Variants in NTS observed in about 807,000 individuals in gnomAD.
The protein encoded by NTS is neurotensin/neuromedin N.
In NTS, 20 loss-of-function variants were observed where a neutral mutation model predicts 19.5. The observed-to-expected ratio is 1.02, with a 90% confidence interval of 0.72 to 1.49. NTS has a LOEUF of 1.49. NTS is among the 40% of genes most tolerant of loss of function. NTS has a pLI of 0.00. For synonymous variants in NTS, 71 were observed against 63.3 expected, an observed-to-expected ratio of 1.12 and a Z score of -0.58; for missense variants, 215 against 193.1, an observed-to-expected ratio of 1.11 and a Z score of -0.67.
At chr12:85,878,941 A>G (rs920889412) in intron 3 of NTS, among the ~76,000 whole-genome samples, 97 of 151,828 alleles carry the variant, frequency 6.4e-4, no homozygotes, top group African/African-American at 2.1e-3. Context: ...ATATGTAGTG[A>G]TCTATAAACA....
intron 2 of NTS, 31 bp downstream of exon 2, chr12:85,876,732 G>A: frequency 3.3e-6 from 4 of 1,206,848 alleles, no homozygotes; most frequent in East Asian, 2.4e-5. Context: ...ACCCTGAGTT[G>A]AAGAACATAT....
chr12:85,880,675 A>T (rs1211167681), intron 3 of NTS, among the ~76,000 whole-genome samples: 2 of 152,206 alleles, frequency 1.3e-5, no homozygotes, highest in African/African-American at 4.8e-5. Flanking sequence ...TGTTTTGGCC[A>T]GGCACGGTGG....
chr12:85,877,352 T>G (rs771285361), intron 2 of NTS, among the ~76,000 whole-genome samples: 9 of 152,168 alleles, frequency 5.9e-5, no homozygotes, highest in African/African-American at 2.2e-4. Flanking sequence ...CTTCATTGTA[T>G]GTCTGGATTT....
chr12:85,878,550 G>A lies in NTS; in HGVS notation c.341G>A (p.Arg114Lys). ...IYQLHKICHS[R>K]AFQHWELIQE... ...CAGCTCCACAAAATCTGTCACAGCA[G>A]GGCTTTTCAACACTGGGAGGTATAG... The change falls in exon 3 of 4, where the codon AGG (arginine) becomes AAG (lysine). Residue 114 changes from arginine (R) to lysine (K), a missense_variant. Arg to Lys is a conservative substitution (Grantham distance 26). Transcript: ENST00000256010. 1 of 1,610,662 alleles carries A rather than the reference G, an allele frequency of 6.2e-7. No individual in the cohort carries two copies. Among genetic ancestry groups the A allele is most frequent in the Non-Finnish European group, 8.5e-7 (1 of 1,177,954 alleles).
At chr12:85,875,288 G>T (rs1047514911) in intron 1 of NTS, among the ~76,000 whole-genome samples, 1 of 151,984 alleles carries the variant, frequency 6.6e-6, no homozygotes, top group East Asian at 1.9e-4. Context: ...TACAACCATT[G>T]CAAAAGGCTC....
rs750413703 is a variant in NTS, at chr12:85,882,352, A to G, written c.490A>G (p.Lys164Glu). ...TAAACCCAGAAGACCCTACATACTCAAAAGAGATTCTTACTATTACTGAGA... is the reference window on the plus strand; with the variant it reads ...TAAACCCAGAAGACCCTACATACTCGAAAGAGATTCTTACTATTACTGAGA... ...ENKPRRPYIL[K>E]RDSYYY is the part of the protein sequence containing the mutation. The change falls in exon 4 of 4, where the codon AAA (lysine) becomes GAA (glutamate). Residue 164 changes from lysine to glutamate, a missense_variant. By Grantham distance (56) the Lys-to-Glu change is moderately conservative (BLOSUM62 1). Transcript: ENST00000256010. 1.3e-6 allele frequency: 2 copies of G among 1,584,070 alleles called. No homozygotes were observed. Among genetic ancestry groups the G allele is most frequent in the Non-Finnish European group, 1.7e-6 (2 of 1,171,052 alleles).
chr12:85,878,577 AATAACAAAATATT>A lies in NTS; in HGVS notation c.360+10_360+22del. The A allele has an allele frequency of 6.5e-7, 1 of 1,532,000 alleles. No individual in the cohort carries two copies. Among genetic ancestry groups the A allele is most frequent in the East Asian group, 2.3e-5 (1 of 44,192 alleles). The allele number at this position is 1,532,000 out of a possible 1,614,324, so 94.9% of individuals were successfully genotyped here. On this transcript the variant is annotated intron_variant, in intron 3 of 3. Coordinates refer to ENST00000256010, the MANE Select transcript of NTS (RefSeq NM_006183.5). ...GCTTTTCAACACTGGGAGGTATAGC[AATAACAAAATATT>A]AATATGATTATAGTTACACTAGTTA...
chr12:85,881,362 C>T (rs770633952), intron 3 of NTS, among the ~76,000 whole-genome samples: 2 of 151,884 alleles, frequency 1.3e-5, no homozygotes, highest in African/African-American at 4.8e-5. Flanking sequence ...AGAAGACAAC[C>T]AAAAATACAA....
chr12:85,880,204 A>G (rs1186358553), intron 3 of NTS, among the ~76,000 whole-genome samples: 2 of 152,054 alleles, frequency 1.3e-5, no homozygotes, highest in African/African-American at 4.8e-5. Flanking sequence ...GTAATAATGT[A>G]CTTGCAAAAT....
At chr12:85,877,840 C>A (rs1043869196) in intron 2 of NTS, among the ~76,000 whole-genome samples, 3 of 152,054 alleles carry the variant, frequency 2.0e-5, no homozygotes, top group African/African-American at 7.2e-5. Flanking sequence ...TACCTAATTC[C>A]CAGATGCAAG....
chr12:85,877,270 C>T (rs1050307884), intron 2 of NTS, among the ~76,000 whole-genome samples: 1 of 152,002 alleles, frequency 6.6e-6, no homozygotes, highest in African/African-American at 2.4e-5. Context: ...TTTTTAAATG[C>T]AGGGATTGCA....
intron 1 of NTS, among the ~76,000 whole-genome samples, chr12:85,876,349 T>C (rs568366789): frequency 6.6e-6 from 1 of 152,106 alleles, no homozygotes; most frequent in East Asian, 1.9e-4. Flanking sequence ...TGTTATACAA[T>C]GTAATCACAT....
At chr12:85,882,186 T>G (rs762425933) in intron 3 of NTS, 37 bp from the exon 4 acceptor site, 1 of 1,483,580 alleles carries the variant, frequency 6.7e-7, no homozygotes. Context: ...AAGAGTTTAT[T>G]CATGTAAGTT....
At chr12:85,876,725 C>G (rs561261110) in intron 2 of NTS, 24 bp downstream of exon 2, 56 of 1,339,932 alleles carry the variant, frequency 4.2e-5, no homozygotes, top group Non-Finnish European at 5.9e-5. Flanking sequence ...TTCTTTAACC[C>G]TGAGTTGAAG....
rs1419774218 is a variant in NTS, at chr12:85,882,232, G to A, written c.370G>A (p.Glu124Lys). Residue 124 changes from glutamate to lysine, a missense_variant, in exon 4 of 4, where the codon GAA becomes AAA. Glu to Lys is a moderately conservative substitution (Grantham distance 56). Transcript: ENST00000256010. ...TATCTCTATCTTGCAGTTAATCCAG[G>A]AAGATATTCTTGATACTGGAAATGA... is the stretch of plus-strand genomic sequence containing the variant. ...RAFQHWELIQ[E>K]DILDTGNDKN... 1.3e-6 allele frequency: 2 copies of A among 1,593,180 alleles called. No individual in the cohort carries two copies. Among genetic ancestry groups the A allele is most frequent in the Non-Finnish European group, 1.7e-6 (2 of 1,170,328 alleles).
chr12:85,878,020 T>A (rs973479239), intron 2 of NTS: 1 of 168,128 alleles, frequency 5.9e-6, no homozygotes, highest in Non-Finnish European at 1.3e-5. Context: ...AATAATTTTT[T>A]ATTTTTAATT....
intron 3 of NTS, among the ~76,000 whole-genome samples, chr12:85,879,494 ATGTATATAAAATATATTTTT>A (rs1440524995): frequency 2.6e-5 from 3 of 114,702 alleles, no homozygotes; most frequent in African/African-American, 9.6e-5. Flanking sequence ...TGTATATTTT[ATGTATATAAAATATATTTTT>A]TGTATATTTT....
chr12:85,880,796 C>CA (rs1881485173), intron 3 of NTS, among the ~76,000 whole-genome samples: 2 of 152,042 alleles, frequency 1.3e-5, no homozygotes, highest in South Asian at 4.2e-4. Context: ...ACTAAAAATA[C>CA]AAAAAATTAG....
chr12:85,876,169 T>C (rs1881338383), intron 1 of NTS, among the ~76,000 whole-genome samples: 3 of 152,012 alleles, frequency 2.0e-5, no homozygotes, highest in African/African-American at 7.2e-5. Context: ...CCTCAGTATC[T>C]TTATTATTCT....
Sources: allele counts gnomAD v4.1 joint callset (sites outside exome capture counted in the v4.1 genomes callset), GRCh38; gene constraint gnomAD v4.1.1; transcripts MANE v1.5; gene names NCBI Gene and HGNC (gene_info 2026-07-23, HGNC 2026-07-21).